The following RNLS variants were observed in gnomAD, a reference collection of about 807,000 sequenced individuals.
RNLS encodes renalase.
Under a neutral mutation model 39.8 loss-of-function variants are expected in RNLS, and 39 were observed. That is an observed-to-expected ratio of 0.98 (90% CI 0.76 to 1.28). The LOEUF is 1.28. RNLS is among the 50% of genes most tolerant of loss of function. RNLS has a pLI of 0.00. For synonymous variants in RNLS, 147 were observed against 150.7 expected (o/e 0.98, Z 0.18); for missense variants, 410 against 413.3 (o/e 0.99, Z 0.07).
the RNLS span, among the ~76,000 whole-genome samples, chr10:88,233,010 C>T: frequency 0.46 from 70,132 of 152,080 alleles, 16,293 homozygotes; most frequent in East Asian, 0.56. Context: ...GATGCAGAAA[C>T]GGAGGCCCAG....
At chr10:88,528,427 TAAAG>T (rs1789361590) in intron 4 of RNLS, among the ~76,000 whole-genome samples, 1 of 152,046 alleles carries the variant, frequency 6.6e-6, no homozygotes, top group Admixed American at 6.6e-5. Flanking sequence ...AACAAGGGGA[TAAAG>T]AAAGAAAGCA....
rs1425492928 is a variant in RNLS at position 88,284,626 on chromosome 10, A to C, written c.*728T>G. On this transcript the variant is annotated 3_prime_UTR_variant, in exon 7 of 7. Coordinates refer to ENST00000331772, the MANE Select transcript of RNLS (RefSeq NM_001031709.3). ...CAGCAACAGCTATAAAATATAGCAA[A>C]AGGTAAGGATCGATATACTTTCTCT... 7.1e-6 allele frequency: 7 copies of C among 985,102 alleles called. No individual in the cohort carries two copies. The Admixed American group carries it at 1.8e-4, about 26-fold the overall frequency. The allele number at this position is 985,102 out of a possible 1,614,324, so 61.0% of individuals were successfully genotyped here.
chr10:88,441,026 G>T (rs1025956622), intron 4 of RNLS, among the ~76,000 whole-genome samples: 1 of 152,190 alleles, frequency 6.6e-6, no homozygotes, highest in Non-Finnish European at 1.5e-5. Context: ...ATTATGAGTC[G>T]AGTTGAGAGA....
chr10:88,582,408 A>G lies in RNLS; in HGVS notation c.119-101T>C. ...ACCCCAAACAGATTACTTCAAAAAT[A>G]TCTTAAGAAACTTTTTTAAGTTGAA... On this transcript the variant is annotated intron_variant, in intron 1 of 6. Transcript: ENST00000331772. 5 of 871,216 alleles carry G rather than the reference A, an allele frequency of 5.7e-6. No individual in the cohort carries two copies. The South Asian group carries it at 9.2e-5, about 16-fold the overall frequency. 54.0% of individuals were successfully genotyped at this position (871,216 alleles called of 1,614,324 possible).
intron 4 of RNLS, among the ~76,000 whole-genome samples, chr10:88,552,051 A>G (rs1406986296): frequency 6.6e-6 from 1 of 152,200 alleles, no homozygotes; most frequent in African/African-American, 2.4e-5. Flanking sequence ...TTGACCACTT[A>G]GCATATGCCA....
At chr10:88,490,372 A>G (rs1464252358) in intron 4 of RNLS, among the ~76,000 whole-genome samples, 4 of 152,202 alleles carry the variant, frequency 2.6e-5, no homozygotes, top group African/African-American at 9.6e-5. Flanking sequence ...ATTTTCATTA[A>G]TCTTACCTCT....
chr10:88,270,043 C>T (rs1589438248), downstream of RNLS, among the ~76,000 whole-genome samples: 1 of 152,124 alleles, frequency 6.6e-6, no homozygotes, highest in Non-Finnish European at 1.5e-5. Flanking sequence ...ACTTGTCTAA[C>T]CAAACCCTTC....
the RNLS span, among the ~76,000 whole-genome samples, chr10:88,241,987 A>G: frequency 6.6e-6 from 1 of 151,878 alleles, no homozygotes. Flanking sequence ...GTTTTCCTCT[A>G]TCATCATGTT....
intron 6 of RNLS, among the ~76,000 whole-genome samples, chr10:88,288,485 C>G (rs1843440444): frequency 1.3e-5 from 2 of 152,138 alleles, no homozygotes; most frequent in African/African-American, 4.8e-5. Flanking sequence ...ATATTCATAT[C>G]TATACATATA....
chr10:88,526,496 C>T (rs1389881641), intron 4 of RNLS, among the ~76,000 whole-genome samples: 1 of 152,044 alleles, frequency 6.6e-6, no homozygotes, highest in African/African-American at 2.4e-5. Flanking sequence ...GGCACGCTAG[C>T]TCAGGTCTGT....
chr10:88,551,125 C>T (rs1436040638), intron 4 of RNLS, among the ~76,000 whole-genome samples: 2 of 152,118 alleles, frequency 1.3e-5, no homozygotes, highest in Non-Finnish European at 2.9e-5. Context: ...TCCTTAACTG[C>T]GCCGTCTCTT....
In RNLS at chr10:88,387,812, C is replaced by CT. The variant is rs1202457770; in HGVS notation, c.527-25088dup. On this transcript the variant is annotated intron_variant, in intron 4 of 6. Coordinates refer to ENST00000331772, the MANE Select transcript of RNLS (RefSeq NM_001031709.3). The stretch of plus-strand genomic sequence containing the variant: ...TGTAGGACAGAGGGAAGCAAATGCT[C>CT]TGACAGCAGAAAAGAAAATCAGAAG... Among the ~76,000 whole-genome samples, 3 of 152,290 alleles carry CT rather than the reference C, an allele frequency of 2.0e-5. No homozygotes were observed. The East Asian group carries it at 5.8e-4, about 29-fold the overall frequency.
chr10:88,333,987 T>C (rs1272397606), intron 5 of RNLS, among the ~76,000 whole-genome samples: 2 of 152,206 alleles, frequency 1.3e-5, no homozygotes, highest in Non-Finnish European at 2.9e-5. Flanking sequence ...AAATTTATAC[T>C]GCTTAGAAAC....
chr10:88,356,040 G>C (rs61855397), intron 5 of RNLS, among the ~76,000 whole-genome samples: 12 of 152,338 alleles, frequency 7.9e-5, no homozygotes, highest in African/African-American at 2.4e-4. Flanking sequence ...ATAATCTCCT[G>C]GTGTGCCGTT....
chr10:88,214,180 C>G, the RNLS span, among the ~76,000 whole-genome samples: 1 of 152,176 alleles, frequency 6.6e-6, no homozygotes, highest in Admixed American at 6.6e-5. Flanking sequence ...AAGTAAGTTT[C>G]TCTCTCCAAG....
chr10:88,271,470 G>T (rs534090294), downstream of RNLS, among the ~76,000 whole-genome samples: 1 of 152,252 alleles, frequency 6.6e-6, no homozygotes, highest in African/African-American at 2.4e-5. Context: ...ACTCACCTGT[G>T]ACTGCCCTCA....
rs146423500 is a variant in RNLS, at chr10:88,381,176, T to C, written c.527-18451A>G. The stretch of plus-strand genomic sequence containing the variant: ...AGAATAAACTCGCCAAGTGCCTTGC[T>C]TGGCACTTAAGTCACAGCCTTGCTT... On this transcript the variant is annotated intron_variant, in intron 4 of 6. Transcript: ENST00000331772. Among the ~76,000 whole-genome samples the C allele has an allele frequency of 3.7e-3, 562 of 152,330 alleles. 3 individuals carry two copies. The highest frequency in any genetic ancestry group is 0.013 in the African/African-American group (537 of 41,592).
At chr10:88,371,360 A>G (rs1036397478) in intron 4 of RNLS, among the ~76,000 whole-genome samples, 3 of 152,190 alleles carry the variant, frequency 2.0e-5, no homozygotes, top group Non-Finnish European at 4.4e-5. Flanking sequence ...CTAATAGTCA[A>G]GCATATCAGG....
intron 4 of RNLS, among the ~76,000 whole-genome samples, chr10:88,492,956 T>C (rs2134072687): frequency 6.6e-6 from 1 of 152,286 alleles, no homozygotes; most frequent in East Asian, 1.9e-4. Context: ...TTTTTAATAT[T>C]TGAAAATGAC....
Sources: gnomAD v4.1 joint callset for allele counts (sites outside exome capture counted in the v4.1 genomes callset) on GRCh38, gnomAD v4.1.1 for gene constraint, MANE v1.5 for transcripts, NCBI Gene and HGNC (gene_info 2026-07-23, HGNC 2026-07-21) for gene names.